The following MYO5B variants were observed in gnomAD, a reference collection of about 807,000 sequenced individuals.
MYO5B encodes the protein unconventional myosin-Vb.
MYO5B carries 143 observed loss-of-function variants against 229.3 expected under a neutral mutation model. That is an observed-to-expected ratio of 0.62 (90% CI 0.54 to 0.72). The LOEUF is 0.72. Among genes scored for constraint, MYO5B ranks in the 30% least tolerant of loss-of-function variants. The pLI is 0.00. For synonymous variants in MYO5B, 918 were observed against 885.2 expected (o/e 1.04, Z -0.66); for missense variants, 2,321 against 2,331.0 (o/e 1.00, Z 0.09).
At chr18:50,161,626 C>T (rs939143153) in intron 1 of MYO5B, among the ~76,000 whole-genome samples, 12 of 152,178 alleles carry the variant, frequency 7.9e-5, no homozygotes, top group Non-Finnish European at 1.8e-4. Context: ...GCTACAGCCA[C>T]TACCTCCGTC....
intron 4 of MYO5B, among the ~76,000 whole-genome samples, chr18:50,026,440 T>C (rs1404146904): frequency 3.3e-5 from 5 of 152,224 alleles, no homozygotes; most frequent in Non-Finnish European, 7.3e-5. Context: ...TGCATAAGCA[T>C]AGTGTAGTTT....
At chr18:49,861,748 C>T (rs558996827) in intron 29 of MYO5B, among the ~76,000 whole-genome samples, 1 of 152,192 alleles carries the variant, frequency 6.6e-6, no homozygotes, top group Non-Finnish European at 1.5e-5. Flanking sequence ...GTTCCACCCC[C>T]CCGGGCCTCA....
chr18:50,132,768 G>A (rs1195380428), intron 1 of MYO5B, among the ~76,000 whole-genome samples: 1 of 152,214 alleles, frequency 6.6e-6, no homozygotes, highest in Admixed American at 6.5e-5. Flanking sequence ...AGTTAAGTGG[G>A]AGCATGAGAC....
At chr18:50,022,728 G>C (rs1345212135) in intron 4 of MYO5B, among the ~76,000 whole-genome samples, 1 of 152,210 alleles carries the variant, frequency 6.6e-6, no homozygotes, top group Non-Finnish European at 1.5e-5. Flanking sequence ...AGGATGTAAA[G>C]TGACAGAAGT....
chr18:50,179,856 G>C (rs1307382895), intron 1 of MYO5B, among the ~76,000 whole-genome samples: 1 of 152,150 alleles, frequency 6.6e-6, no homozygotes, highest in Non-Finnish European at 1.5e-5. Flanking sequence ...GCCTTGCAGT[G>C]CCCTTGGACC....
chr18:50,112,308 C>T (rs2031878955), intron 1 of MYO5B, among the ~76,000 whole-genome samples: 1 of 152,210 alleles, frequency 6.6e-6, no homozygotes, highest in African/African-American at 2.4e-5. Flanking sequence ...ATCACGGCTC[C>T]AAGGGGCTCC....
chr18:49,947,826 G>A (rs574308853), intron 14 of MYO5B, among the ~76,000 whole-genome samples: 19 of 152,174 alleles, frequency 1.2e-4, no homozygotes, highest in South Asian at 1.2e-3. Context: ...TTAAAAGCCT[G>A]GGGCAAATCA....
intron 1 of MYO5B, among the ~76,000 whole-genome samples, chr18:50,094,809 T>C (rs1233345361): frequency 7.2e-5 from 11 of 151,906 alleles, no homozygotes; most frequent in Admixed American, 7.2e-4. Context: ...CTATTGCCTA[T>C]GGACTTGCTC....
At chr18:50,070,287 G>C (rs1032589124) in intron 1 of MYO5B, among the ~76,000 whole-genome samples, 13 of 151,884 alleles carry the variant, frequency 8.6e-5, no homozygotes, top group Admixed American at 7.9e-4. Context: ...GCCTCCCAAA[G>C]TGCTGGGACT....
At chr18:50,004,677 A>C (rs2026082316) in intron 4 of MYO5B, among the ~76,000 whole-genome samples, 1 of 152,170 alleles carries the variant, frequency 6.6e-6, no homozygotes, top group South Asian at 2.1e-4. Context: ...CTGAGGCAGG[A>C]GGATCATGAG....
intron 22 of MYO5B, among the ~76,000 whole-genome samples, chr18:49,881,616 C>T (rs1451676705): frequency 6.6e-6 from 1 of 152,002 alleles, no homozygotes; most frequent in East Asian, 1.9e-4. Context: ...TCCTGGCTAA[C>T]ACGGTGAAAT....
At chr18:50,074,321 C>T (rs1041625196) in intron 1 of MYO5B, among the ~76,000 whole-genome samples, 1 of 152,220 alleles carries the variant, frequency 6.6e-6, no homozygotes, top group Non-Finnish European at 1.5e-5. Context: ...CTGGGAGATA[C>T]AATTCAAGGT....
intron 22 of MYO5B, among the ~76,000 whole-genome samples, chr18:49,893,432 CA>C (rs2024739199): frequency 6.6e-6 from 1 of 152,228 alleles, no homozygotes; most frequent in Admixed American, 6.5e-5. Flanking sequence ...AGACAAACCA[CA>C]AGTGTGGTAT....
intron 14 of MYO5B, among the ~76,000 whole-genome samples, chr18:49,947,252 C>G (rs1165669400): frequency 2.6e-5 from 4 of 151,948 alleles, no homozygotes; most frequent in Non-Finnish European, 5.9e-5. Flanking sequence ...ACTACAGGCG[C>G]CCGCCACCAC....
intron 1 of MYO5B, among the ~76,000 whole-genome samples, chr18:50,107,785 T>G (rs577311382): frequency 1.8e-4 from 28 of 152,362 alleles, no homozygotes; most frequent in African/African-American, 5.8e-4. Flanking sequence ...ATAGCATACA[T>G]GTACTTACAG....
chr18:49,864,774 A>T (rs1399727628), intron 27 of MYO5B, among the ~76,000 whole-genome samples: 1 of 152,246 alleles, frequency 6.6e-6, no homozygotes, highest in Non-Finnish European at 1.5e-5. Flanking sequence ...TTCCAAGAAA[A>T]GATACAAGAA....
intron 2 of MYO5B, among the ~76,000 whole-genome samples, chr18:50,045,479 C>T (rs548803220): frequency 6.6e-6 from 1 of 152,130 alleles, no homozygotes; most frequent in South Asian, 2.1e-4. Context: ...CTGCAATCTC[C>T]GCCTCCTGAG....
chr18:49,941,077 GA>G (rs767184299), intron 14 of MYO5B, among the ~76,000 whole-genome samples: 1 of 152,190 alleles, frequency 6.6e-6, no homozygotes, highest in Non-Finnish European at 1.5e-5. Context: ...ATAAAGCCAT[GA>G]AACAACTGTG....
chr18:50,007,333 C>T (rs2026112639), intron 4 of MYO5B, among the ~76,000 whole-genome samples: 1 of 152,202 alleles, frequency 6.6e-6, no homozygotes, highest in Admixed American at 6.5e-5. Flanking sequence ...TTGAACTTCT[C>T]TCCAGGGTGT....
Sources: gnomAD v4.1 joint callset for allele counts (sites outside exome capture counted in the v4.1 genomes callset) on GRCh38, gnomAD v4.1.1 for gene constraint, MANE v1.5 for transcripts, NCBI Gene and HGNC (gene_info 2026-07-23, HGNC 2026-07-21) for gene names.